RIPK4: variants seen among roughly 807,000 people sequenced by gnomAD.
The protein encoded by RIPK4 is receptor interacting serine/threonine kinase 4.
RIPK4 carries 17 observed loss-of-function variants against 42.9 expected under a neutral mutation model. The observed-to-expected ratio is 0.40, with a 90% CI of 0.27 to 0.59. The LOEUF (loss-of-function observed/expected upper bound fraction) is 0.59. RIPK4 is among the 20% of genes least tolerant of loss of function. The pLI, the probability that RIPK4 is intolerant of heterozygous loss-of-function variation, is 0.47. For synonymous variants in RIPK4, 498 were observed against 499.1 expected, an observed-to-expected ratio of 1.00 and a Z score of 0.03; for missense variants, 897 against 1,104.4, an observed-to-expected ratio of 0.81 and a Z score of 2.66.
rs1405907705 is a variant in RIPK4 at position 41,751,272 on chromosome 21, T to C, written c.475-27A>G. The C allele has an allele frequency of 6.2e-7, 1 of 1,611,370 alleles. No homozygotes were observed. The highest frequency in any genetic ancestry group is 1.3e-5 in the African/African-American group (1 of 74,840). On this transcript the variant is annotated intron_variant, in intron 2 of 7. Coordinates refer to ENST00000332512, the MANE Select transcript of RIPK4 (RefSeq NM_020639.3). This position sits in a 1 kb window ranked among gnomAD's most constrained non-coding sequence, Gnocchi z 4.5. Reference sequence around the variant, plus strand: ...TGCAACACAGCCATCAGAGCGGGGCTCATTAGCCTGCAACAGTGATATTTT... The same window carrying C: ...TGCAACACAGCCATCAGAGCGGGGCCCATTAGCCTGCAACAGTGATATTTT...
rs926631877 is a variant in RIPK4, at chr21:41,756,540, G to A, written c.459C>T (p.Ala153=). The A allele has an allele frequency of 2.2e-5, 36 of 1,612,598 alleles. No individual in the cohort carries two copies. The highest frequency in any genetic ancestry group is 3.0e-5 in the Non-Finnish European group (35 of 1,179,272). ...DLKPANILLD[A]HYHVKISDFG... ...GGCCCCCCACCTTGACGTGGTAGTG[G>A]GCATCCAGCAGGATGTTCGCGGGCT... Residue 153 remains alanine (A), a synonymous_variant, in exon 2 of 8, where the codon GCC becomes GCT. Coordinates refer to ENST00000332512, the MANE Select transcript of RIPK4 (RefSeq NM_020639.3).
rs199637338 is a variant in RIPK4, at chr21:41,756,824, A to G, written c.183-8T>C. The stretch of plus-strand genomic sequence containing the variant: ...AAAAGCTCCATGCGCTCCCTGAAAA[A>G]GTTCAAAGGCATGAAGAATACGCAA... On this transcript the variant is annotated splice_region_variant and splice_polypyrimidine_tract_variant and intron_variant, in intron 1 of 7. Coordinates refer to ENST00000332512, the MANE Select transcript of RIPK4 (RefSeq NM_020639.3). 4.3e-6 allele frequency: 7 copies of G among 1,609,662 alleles called. No individual in the cohort carries two copies. In the African/African-American group the frequency reaches 9.4e-5, roughly 22 times the overall value.
At chr21:41,748,011 C>T (rs972066148) in intron 4 of RIPK4, among the ~76,000 whole-genome samples, 4 of 152,232 alleles carry the variant, frequency 2.6e-5, no homozygotes, top group African/African-American at 7.2e-5. Flanking sequence ...CTGTCCCCTG[C>T]GCCTAGCTTC....
At chr21:41,761,573 T>A (rs908044255) in intron 1 of RIPK4, among the ~76,000 whole-genome samples, 2 of 152,028 alleles carry the variant, frequency 1.3e-5, no homozygotes, top group African/African-American at 4.8e-5. Context: ...TGCAACCGTG[T>A]GAGGCACACC....
rs1252499264 is a variant in RIPK4 at position 41,746,748 on chromosome 21, T to G, written c.697A>C (p.Met233Leu). The G allele has an allele frequency of 6.2e-7, 1 of 1,604,288 alleles. No homozygotes were observed. The highest frequency in any genetic ancestry group is 8.5e-7 in the Non-Finnish European group (1 of 1,176,544). ...CGGTGGCCCTTCACCACCTTCACCA[T>G]GATGTGCAGGATGTTCTTCTCATCT... ...FADEKNILHI[M>L]VKVVKGHRPE... The change falls in exon 5 of 8, where the codon ATG (methionine) becomes CTG (leucine). Residue 233 changes from methionine (M) to leucine (L), a missense_variant. Coordinates refer to ENST00000332512, the MANE Select transcript of RIPK4 (RefSeq NM_020639.3).
chr21:41,758,039 TATAGAGAGAGAGAGAG>T (rs1166495429), intron 1 of RIPK4, among the ~76,000 whole-genome samples: 5 of 89,054 alleles, frequency 5.6e-5, no homozygotes, highest in African/African-American at 1.8e-4. Context: ...TATATATATA[TATAGAGAGAGAGAGAG>T]AGAGAGAGAG....
At chr21:41,757,738 T>C (rs1342798389) in intron 1 of RIPK4, among the ~76,000 whole-genome samples, 1 of 151,698 alleles carries the variant, frequency 6.6e-6, no homozygotes, top group East Asian at 1.9e-4. Context: ...TGATGGCTCA[T>C]GCCTGTAATC....
At position 41,744,035 on chromosome 21, in the gene RIPK4, C is replaced by T. The variant is rs143467171; in HGVS notation, c.1042G>A (p.Glu348Lys). ...CTGCGGCTGAGCTCCTCGGGGCCCTCGACAGCCTGGGAAACTCCAGAGTCC... is the reference window on the plus strand; with the variant it reads ...CTGCGGCTGAGCTCCTCGGGGCCCTTGACAGCCTGGGAAACTCCAGAGTCC... Reference protein sequence around the residue: ...QLDSGVSQAVEGPEELSRSSS... With the variant: ...QLDSGVSQAVKGPEELSRSSS... The change falls in exon 7 of 8, where the codon GAG becomes AAG. Residue 348 changes from glutamate (E) to lysine (K), a missense_variant. Glu to Lys is a moderately conservative substitution (Grantham distance 56). Coordinates refer to ENST00000332512, the MANE Select transcript of RIPK4 (RefSeq NM_020639.3). 1.1e-5 allele frequency: 18 copies of T among 1,612,950 alleles called. No homozygotes were observed. In the Middle Eastern group the frequency reaches 6.6e-4, roughly 59 times the overall value.
chr21:41,765,953 G>A (rs1333430023), intron 1 of RIPK4, among the ~76,000 whole-genome samples: 1 of 152,194 alleles, frequency 6.6e-6, no homozygotes, highest in Non-Finnish European at 1.5e-5. Flanking sequence ...CCGACCCACC[G>A]AATTTAACAC....
chr21:41,740,857 A>G lies in RIPK4; in HGVS notation c.2336T>C (p.Leu779Pro). 3.1e-6 allele frequency: 5 copies of G among 1,608,802 alleles called. No individual in the cohort carries two copies. The South Asian group carries it at 3.3e-5, about 11-fold the overall frequency. The stretch of plus-strand genomic sequence containing the variant: ...AGCCAGCTAGGTCTTGCTTCGCCGC[A>G]GGAGCGTGGCGGCGGGGCCATGGCC... The part of the protein sequence containing the change: ...QGGHGPAATL[L>P]RRSKT Residue 779 changes from leucine (L) to proline (P), a missense_variant, in exon 8 of 8, where the codon CTG becomes CCG. Transcript: ENST00000332512.
chr21:41,745,669 G>C (rs1362759074), intron 6 of RIPK4, 90 bp downstream of exon 6: 4 of 921,396 alleles, frequency 4.3e-6, no homozygotes, highest in Non-Finnish European at 7.0e-6. Flanking sequence ...AGTGGTCCGG[G>C]CGGCGGGGGA....
intron 2 of RIPK4, among the ~76,000 whole-genome samples, chr21:41,752,440 G>A (rs1349636750): frequency 1.3e-5 from 2 of 151,970 alleles, no homozygotes; most frequent in African/African-American, 4.8e-5. Context: ...GAGGTAGGGG[G>A]GAAGGCCTGC....
chr21:41,756,428 C>T, intron 2 of RIPK4, 97 bp downstream of exon 2: 4 of 1,440,238 alleles, frequency 2.8e-6, no homozygotes, highest in Non-Finnish European at 3.8e-6. Context: ...CCTCTTCTGC[C>T]CTTGTCCTGA....
At chr21:41,749,410 C>CA (rs1351662047) in intron 3 of RIPK4, among the ~76,000 whole-genome samples, 2 of 152,168 alleles carry the variant, frequency 1.3e-5, no homozygotes, top group African/African-American at 4.8e-5. Flanking sequence ...CAGACAGACT[C>CA]AAGTAACTTC....
intron 1 of RIPK4, among the ~76,000 whole-genome samples, chr21:41,766,060 CTG>C (rs2061235142): frequency 6.6e-6 from 1 of 152,264 alleles, no homozygotes; most frequent in Non-Finnish European, 1.5e-5. Context: ...GACTGGGAAA[CTG>C]GGGTGCAGGA....
At chr21:41,760,945 T>C (rs976589176) in intron 1 of RIPK4, among the ~76,000 whole-genome samples, 1 of 152,212 alleles carries the variant, frequency 6.6e-6, no homozygotes, top group Non-Finnish European at 1.5e-5. Context: ...GAAAACAAGA[T>C]GCCCACCAGT....
In RIPK4 at chr21:41,741,603, G is replaced by A. The variant is rs750760736; in HGVS notation, c.1590C>T (p.Val530=). The change falls in exon 8 of 8, where the codon GTC becomes GTT. Residue 530 remains valine, a synonymous_variant. Transcript: ENST00000332512. ...TRLLLEKNAS[V]NEVDFEGRTP... ...TCCGGCCCTCAAAGTCCACCTCGTT[G>A]ACCGAGGCGTTCTTCTCCAACAGCA... The A allele has an allele frequency of 1.2e-6, 2 of 1,612,300 alleles. No homozygotes were observed. Among genetic ancestry groups the A allele is most frequent in the African/African-American group, 1.3e-5 (1 of 74,946 alleles).
chr21:41,750,169 C>T (rs1483618634), intron 3 of RIPK4, among the ~76,000 whole-genome samples: 1 of 152,224 alleles, frequency 6.6e-6, no homozygotes, highest in Admixed American at 6.5e-5. Flanking sequence ...CACTGTCAAA[C>T]CAGTCAGCCT....
intron 1 of RIPK4, among the ~76,000 whole-genome samples, chr21:41,764,170 C>A (rs964537161): frequency 2.6e-5 from 4 of 152,222 alleles, no homozygotes; most frequent in African/African-American, 4.8e-5. Context: ...GGCCCCCCAA[C>A]CTTTCCTGCA....
Sources: allele counts gnomAD v4.1 joint callset (sites outside exome capture counted in the v4.1 genomes callset), GRCh38; gene constraint gnomAD v4.1.1; non-coding constraint Gnocchi (gnomAD v3.1); transcripts MANE v1.5; gene names NCBI Gene and HGNC (gene_info 2026-07-23, HGNC 2026-07-21).